PPP2R2B: variants seen among roughly 807,000 people sequenced by gnomAD.
PPP2R2B encodes protein phosphatase 2 regulatory subunit Bbeta, also known as serine/threonine-protein phosphatase 2A 55 kDa regulatory subunit B beta isoform.
A neutral mutation model predicts 46.0 loss-of-function variants in PPP2R2B; 5 were observed. The ratio of observed to expected loss-of-function variants is 0.11; its 90% confidence interval spans 0.06 to 0.23. The LOEUF (loss-of-function observed/expected upper bound fraction) is 0.23, where lower values mean the gene tolerates loss of function less well. Ranked by LOEUF, PPP2R2B falls within the 10% of genes least tolerant of loss-of-function variation. PPP2R2B has a pLI of 1.00. For synonymous variants in PPP2R2B, 215 were observed against 206.7 expected (o/e 1.04, Z -0.34); for missense variants, 367 against 575.0 (o/e 0.64, Z 3.70).
chr5:147,021,868 A>G (rs373817744), intron 1 of PPP2R2B, among the ~76,000 whole-genome samples: 3 of 152,236 alleles, frequency 2.0e-5, no homozygotes, highest in Non-Finnish European at 4.4e-5. Flanking sequence ...TCTAAAAATG[A>G]TAAGGATGAT....
chr5:146,956,524 T>G (rs546394863), intron 1 of PPP2R2B, among the ~76,000 whole-genome samples: 4 of 152,234 alleles, frequency 2.6e-5, no homozygotes, highest in Non-Finnish European at 5.9e-5. Flanking sequence ...ATTGTCATCA[T>G]GCATATTTTA....
intron 1 of PPP2R2B, among the ~76,000 whole-genome samples, chr5:146,975,667 T>TA (rs1412199762): frequency 1.3e-5 from 2 of 152,254 alleles, no homozygotes; most frequent in African/African-American, 4.8e-5. Flanking sequence ...TTCTTATATT[T>TA]AAATGACAGC....
intron 1 of PPP2R2B, chr5:147,081,190 T>C: frequency 6.5e-7 from 1 of 1,535,450 alleles, no homozygotes. Context: ...CCAGTTGTTC[T>C]TAAGAGACCA....
chr5:146,707,636 G>A lies in PPP2R2B; in HGVS notation c.71-6494C>T, dbSNP rs777182235. Reference sequence around the variant, plus strand: ...AGTGGAGGCAGGCGGGCTGAACCAGGCGGAGATTCCAGAAGGAGTGGAGAA... The same window carrying A: ...AGTGGAGGCAGGCGGGCTGAACCAGACGGAGATTCCAGAAGGAGTGGAGAA... On this transcript the variant is annotated intron_variant, in intron 2 of 9. Coordinates refer to ENST00000394411, the MANE Select transcript of PPP2R2B (RefSeq NM_181675.4). 125 of 595,950 alleles carry A rather than the reference G, an allele frequency of 2.1e-4. 1 individual carries two copies. The highest frequency in any genetic ancestry group is 1.9e-4 in the Admixed American group (7 of 37,556). The allele number at this position is 595,950 out of a possible 1,614,324, so 36.9% of individuals were successfully genotyped here.
intron 2 of PPP2R2B, among the ~76,000 whole-genome samples, chr5:146,827,894 G>A (rs1758675790): frequency 2.0e-5 from 3 of 152,204 alleles, no homozygotes; most frequent in African/African-American, 4.8e-5. Flanking sequence ...CCCTTTTTCT[G>A]TCGTCTTCCT....
intron 5 of PPP2R2B, among the ~76,000 whole-genome samples, chr5:146,656,158 C>T (rs1363750743): frequency 6.6e-6 from 1 of 152,026 alleles, no homozygotes; most frequent in Non-Finnish European, 1.5e-5. Context: ...ATGAGGAAAA[C>T]CTGAGTTGGG....
chr5:146,863,878 C>T (rs1227361920), intron 2 of PPP2R2B, among the ~76,000 whole-genome samples: 1 of 152,090 alleles, frequency 6.6e-6, no homozygotes, highest in Non-Finnish European at 1.5e-5. Context: ...ACTGTAACCC[C>T]CAAAGACTGC....
At chr5:146,920,290 C>G (rs1369033192) in intron 1 of PPP2R2B, among the ~76,000 whole-genome samples, 1 of 152,186 alleles carries the variant, frequency 6.6e-6, no homozygotes, top group Non-Finnish European at 1.5e-5. Context: ...GACATGGGCT[C>G]TACACCCTGC....
intron 2 of PPP2R2B, among the ~76,000 whole-genome samples, chr5:146,862,680 GA>G (rs1561968382): frequency 6.6e-6 from 1 of 152,034 alleles, no homozygotes; most frequent in African/African-American, 2.4e-5. Flanking sequence ...AAGATGAGAG[GA>G]CAGGCAGGAA....
At chr5:146,867,966 C>T (rs1039881410) in intron 2 of PPP2R2B, among the ~76,000 whole-genome samples, 1 of 152,206 alleles carries the variant, frequency 6.6e-6, no homozygotes, top group African/African-American at 2.4e-5. Context: ...TAACCCCCAC[C>T]ATGGAGTATA....
chr5:147,044,092 T>C (rs1213820963), intron 1 of PPP2R2B, among the ~76,000 whole-genome samples: 1 of 152,136 alleles, frequency 6.6e-6, no homozygotes, highest in Admixed American at 6.6e-5. Flanking sequence ...GCCACCTAAA[T>C]GCTTATTACC....
intron 1 of PPP2R2B, among the ~76,000 whole-genome samples, chr5:146,940,568 C>G (rs1010907958): frequency 6.6e-6 from 1 of 151,370 alleles, no homozygotes; most frequent in Non-Finnish European, 1.5e-5. Context: ...AAAGGGAGCA[C>G]AGTGACACAT....
chr5:146,803,067 C>A (rs1204568595), intron 2 of PPP2R2B, among the ~76,000 whole-genome samples: 1 of 152,140 alleles, frequency 6.6e-6, no homozygotes, highest in East Asian at 1.9e-4. Context: ...ATGAATTGTT[C>A]CCTTCATATG....
At chr5:146,835,665 T>C (rs1759236526) in intron 2 of PPP2R2B, among the ~76,000 whole-genome samples, 1 of 152,302 alleles carries the variant, frequency 6.6e-6, no homozygotes, top group Non-Finnish European at 1.5e-5. Flanking sequence ...CCACAGTGCC[T>C]GGGCCAGACA....
intron 2 of PPP2R2B, among the ~76,000 whole-genome samples, chr5:146,715,617 T>C (rs1205742): frequency 0.53 from 80,624 of 151,986 alleles, 25,680 homozygotes; most frequent in African/African-American, 0.88. Flanking sequence ...AGTATCTTTC[T>C]CCATTTTTCA....
chr5:146,917,944 G>A (rs1346128449), intron 1 of PPP2R2B: 1 of 152,156 alleles, frequency 6.6e-6, no homozygotes, highest in Admixed American at 6.6e-5. Flanking sequence ...AAATACAGAT[G>A]GATACATGTC....
intron 5 of PPP2R2B, among the ~76,000 whole-genome samples, chr5:146,652,810 T>C (rs970592899): frequency 2.0e-5 from 3 of 151,890 alleles, no homozygotes; most frequent in African/African-American, 7.3e-5. Context: ...GGGAAAAAAA[T>C]GAAAGGATTT....
intron 2 of PPP2R2B, among the ~76,000 whole-genome samples, chr5:146,750,759 C>CATAT (rs1753506636): frequency 1.3e-5 from 2 of 152,154 alleles, no homozygotes; most frequent in Non-Finnish European, 2.9e-5. Flanking sequence ...ATATTTTCAA[C>CATAT]ATAAGCCAGA....
intron 2 of PPP2R2B, among the ~76,000 whole-genome samples, chr5:146,757,413 C>A (rs1334856622): frequency 3.3e-5 from 5 of 152,072 alleles, no homozygotes; most frequent in African/African-American, 1.2e-4. Flanking sequence ...AACGGAGGGA[C>A]CACAGTAGGA....
Sources: allele counts gnomAD v4.1 joint callset (sites outside exome capture counted in the v4.1 genomes callset), GRCh38; gene constraint gnomAD v4.1.1; transcripts MANE v1.5; gene names NCBI Gene and HGNC (gene_info 2026-07-23, HGNC 2026-07-21).